The following UBE3A variants were observed in gnomAD, a reference collection of about 807,000 sequenced individuals.
UBE3A encodes the protein ubiquitin-protein ligase E3A.
In UBE3A, 6 loss-of-function variants were observed where a neutral mutation model predicts 83.4. That is an observed-to-expected ratio of 0.07 (90% CI 0.04 to 0.14). The LOEUF (loss-of-function observed/expected upper bound fraction) is 0.14, where lower values mean the gene tolerates loss of function less well. UBE3A is among the 10% of genes least tolerant of loss of function. UBE3A has a pLI of 1.00. For synonymous variants in UBE3A, 337 were observed against 355.4 expected (o/e 0.95, Z 0.58); for missense variants, 456 against 1,036.1 (o/e 0.44, Z 7.69).
At chr15:25,393,939 G>C (rs1487889874) in intron 4 of UBE3A, 1 of 152,154 alleles carries the variant, frequency 6.6e-6, no homozygotes, top group Admixed American at 6.5e-5. Context: ...TCTCCCATCA[G>C]CTAACTCTAC....
intron 11 of UBE3A, among the ~76,000 whole-genome samples, chr15:25,341,457 T>C (rs1456781768): frequency 1.3e-5 from 2 of 151,868 alleles, no homozygotes; most frequent in African/African-American, 4.8e-5. Flanking sequence ...TGCATTTTAA[T>C]AGTTATTTAG....
chr15:25,433,845 C>G (rs1894215174), intron 1 of UBE3A, among the ~76,000 whole-genome samples: 1 of 152,064 alleles, frequency 6.6e-6, no homozygotes, highest in African/African-American at 2.4e-5. Context: ...GGAGGCCAAG[C>G]CGCTTGAGAC....
At chr15:25,357,783 TTAGA>T (rs1402877798) in intron 7 of UBE3A, among the ~76,000 whole-genome samples, 2 of 152,146 alleles carry the variant, frequency 1.3e-5, no homozygotes, top group Non-Finnish European at 2.9e-5. Flanking sequence ...TCTGATGAAC[TTAGA>T]TAAACAAAGC....
intron 6 of UBE3A, among the ~76,000 whole-genome samples, chr15:25,367,249 G>GTAAATATGTAAATATTTA (rs1566941812): frequency 8.7e-4 from 43 of 49,312 alleles, no homozygotes; most frequent in Non-Finnish European, 1.3e-3. Flanking sequence ...GTAAATATTT[G>GTAAATATGTAAATATTTA]CATATTTGTA....
At chr15:25,366,966 T>G (rs998254540) in intron 6 of UBE3A, among the ~76,000 whole-genome samples, 3 of 151,854 alleles carry the variant, frequency 2.0e-5, no homozygotes, top group Non-Finnish European at 4.4e-5. Flanking sequence ...TTTATTTTTT[T>G]TAAACAATTT....
chr15:25,429,077 T>C (rs1464558004), intron 1 of UBE3A, among the ~76,000 whole-genome samples: 2 of 152,202 alleles, frequency 1.3e-5, no homozygotes, highest in African/African-American at 2.4e-5. Context: ...AAAAACTTGA[T>C]ACTGAGTTTA....
intron 4 of UBE3A, among the ~76,000 whole-genome samples, chr15:25,400,784 A>T (rs974678480): frequency 2.0e-5 from 3 of 152,132 alleles, no homozygotes; most frequent in Non-Finnish European, 4.4e-5. Flanking sequence ...TCCTACTGGG[A>T]TGCCTTTTCT....
Position 25,417,157 on chromosome 15 carries a change from G to A in UBE3A, c.-164-5186C>T, listed in dbSNP as rs1241372963. On this transcript the variant is annotated intron_variant, in intron 1 of 12. Coordinates refer to ENST00000648336, the MANE Select transcript of UBE3A (RefSeq NM_130839.5). ...TCCCAGTACTTATAAAGGACTGGGA[G>A]ACTCCTAAAATTCTCTCTAACCTGA... Among the ~76,000 whole-genome samples, 3 of 152,108 alleles carry A rather than the reference G, an allele frequency of 2.0e-5. No individual in the cohort carries two copies. The East Asian group carries it at 5.8e-4, about 29-fold the overall frequency.
At chr15:25,365,746 TAA>T (rs36057934) in intron 6 of UBE3A, among the ~76,000 whole-genome samples, 14 of 109,400 alleles carry the variant, frequency 1.3e-4, no homozygotes, top group African/African-American at 1.0e-4. Context: ...AGACTCCGTC[TAA>T]AAAAAAAAAA....
intron 3 of UBE3A, chr15:25,406,957 C>G: frequency 1.8e-6 from 1 of 557,008 alleles, no homozygotes; most frequent in Non-Finnish European, 2.5e-6. Flanking sequence ...TACATAACAA[C>G]TAAAAACTGG....
intron 7 of UBE3A, among the ~76,000 whole-genome samples, chr15:25,357,125 TA>T (rs1206354948): frequency 1.6e-4 from 25 of 152,156 alleles, no homozygotes; most frequent in Admixed American, 3.9e-4. Flanking sequence ...GCCAAAGGAA[TA>T]AAGTAGTAAG....
In UBE3A at chr15:25,356,578, T is replaced by TAA. The variant is rs1193776448; in HGVS notation, c.1959+111_1959+112dup. 9 of 1,029,494 alleles carry TAA rather than the reference T, an allele frequency of 8.7e-6. No homozygotes were observed. In the East Asian group the frequency reaches 2.3e-4, roughly 26 times the overall value. The allele number at this position is 1,029,494 out of a possible 1,614,324, so 63.8% of individuals were successfully genotyped here. A position where few individuals can be genotyped will look rare whatever the true frequency, so the allele number is the denominator to read the frequency against. On this transcript the variant is annotated intron_variant, in intron 8 of 12. Coordinates refer to ENST00000648336, the MANE Select transcript of UBE3A (RefSeq NM_130839.5). Reference sequence around the variant, plus strand: ...GATTAAAACATTTTTATCTTATTGATAAGAGTATCAACAAAGATTCTAAAC... The same window carrying TAA: ...GATTAAAACATTTTTATCTTATTGATAAAAGAGTATCAACAAAGATTCTAAAC...
Position 25,339,119 on chromosome 15 carries a change from A to G in UBE3A, c.*18T>C, listed in dbSNP as rs780697226. 24 of 1,430,028 alleles carry G rather than the reference A, an allele frequency of 1.7e-5. No homozygotes were observed. The South Asian group carries it at 2.0e-4, about 12-fold the overall frequency. 88.6% of individuals were successfully genotyped at this position (1,430,028 alleles called of 1,614,324 possible). The stretch of plus-strand genomic sequence containing the variant: ...TTTTTTCCTTCCTTTTTTTTGTTTT[A>G]TTTTGTTTTGTTTTGTTTTACAGCA... On this transcript the variant is annotated 3_prime_UTR_variant, in exon 13 of 13. Transcript: ENST00000648336.
intron 1 of UBE3A, among the ~76,000 whole-genome samples, chr15:25,430,176 TTA>T (rs1195712931): frequency 1.8e-4 from 2 of 10,836 alleles, no homozygotes; most frequent in African/African-American, 3.8e-4. Flanking sequence ...TATATATATA[TTA>T]TATATATAAT....
At chr15:25,406,714 A>G (rs972779953) in intron 3 of UBE3A, among the ~76,000 whole-genome samples, 5 of 147,416 alleles carry the variant, frequency 3.4e-5, no homozygotes, top group African/African-American at 1.3e-4. Context: ...ACACACACAC[A>G]CGCACACACA....
rs2073900246 is a variant in UBE3A, at chr15:25,335,145, T to C, written c.*3992A>G. On this transcript the variant is annotated 3_prime_UTR_variant, in exon 13 of 13. Coordinates refer to ENST00000648336, the MANE Select transcript of UBE3A (RefSeq NM_130839.5). The stretch of plus-strand genomic sequence containing the variant: ...CTAAGACACTCTGTAAGAATCCCAG[T>C]GACTCCTCACTGTTCAACTAAGAAA... The C allele has an allele frequency of 6.6e-6, 1 of 152,180 alleles. No homozygotes were observed. Among genetic ancestry groups the C allele is most frequent in the South Asian group, 2.1e-4 (1 of 4,830 alleles). 9.4% of individuals were successfully genotyped at this position (152,180 alleles called of 1,614,324 possible). A position where few individuals can be genotyped will look rare whatever the true frequency, so the allele number is the denominator to read the frequency against.
At chr15:25,356,618 T>C in intron 8 of UBE3A, 73 bp downstream of exon 8, 1 of 1,457,240 alleles carries the variant, frequency 6.9e-7, no homozygotes, top group Non-Finnish European at 9.5e-7. Context: ...ACTTTAAAAT[T>C]TTGACATAAA....
intron 3 of UBE3A, among the ~76,000 whole-genome samples, chr15:25,406,856 G>GAAAAA (rs11413336): frequency 1.7e-5 from 2 of 114,682 alleles, no homozygotes; most frequent in South Asian, 2.8e-4. Flanking sequence ...AATGGAAAAG[G>GAAAAA]AAAAAAAAAA....
At position 25,411,077 on chromosome 15, in the gene UBE3A, C is replaced by T. The variant is rs143394184; in HGVS notation, c.-101+831G>A. On this transcript the variant is annotated intron_variant, in intron 2 of 12. Transcript: ENST00000648336. ...GAGTCAAGTCCTCTCTTCCAGTCCC[C>T]TCTTTTATGAGATCCGGTGCTCAAA... is the stretch of plus-strand genomic sequence containing the variant. Among the ~76,000 whole-genome samples, 338 of 152,296 alleles carry T rather than the reference C, an allele frequency of 2.2e-3. 2 individuals carry two copies. The highest frequency in any genetic ancestry group is 7.8e-3 in the African/African-American group (325 of 41,574).
Sources: allele counts gnomAD v4.1 joint callset (sites outside exome capture counted in the v4.1 genomes callset), GRCh38; gene constraint gnomAD v4.1.1; transcripts MANE v1.5; gene names NCBI Gene and HGNC (gene_info 2026-07-23, HGNC 2026-07-21).